The following PALM2AKAP2 variants were observed in gnomAD, a reference collection of about 807,000 sequenced individuals.
PALM2AKAP2 encodes PALM2 and AKAP2 fusion.
A neutral mutation model predicts 71.5 loss-of-function variants in PALM2AKAP2; 37 were observed. The observed-to-expected ratio is 0.52, with a 90% confidence interval of 0.40 to 0.68. The LOEUF (loss-of-function observed/expected upper bound fraction) is 0.68. Among genes scored for constraint, PALM2AKAP2 ranks in the 30% least tolerant of loss-of-function variants. PALM2AKAP2 has a pLI of 0.00. For synonymous variants in PALM2AKAP2, 468 were observed against 478.8 expected (o/e 0.98, Z 0.29); for missense variants, 1,224 against 1,191.8 (o/e 1.03, Z -0.40).
At chr9:109,853,384 T>C (rs559965387) in intron 1 of PALM2AKAP2, among the ~76,000 whole-genome samples, 4 of 152,362 alleles carry the variant, frequency 2.6e-5, no homozygotes, top group African/African-American at 9.6e-5. Flanking sequence ...TTTCCATAAC[T>C]GTATTTTTTC....
At chr9:109,838,969 G>T (rs1828570436) in intron 1 of PALM2AKAP2, among the ~76,000 whole-genome samples, 1 of 152,144 alleles carries the variant, frequency 6.6e-6, no homozygotes, top group African/African-American at 2.4e-5. Flanking sequence ...AGGAGGAGCT[G>T]GTACCATTCC....
intron 1 of PALM2AKAP2, among the ~76,000 whole-genome samples, chr9:109,647,750 T>A (rs182721165): frequency 2.6e-5 from 4 of 152,352 alleles, no homozygotes. Context: ...AAGGTGCAAA[T>A]GTTCAGAAGA....
chr9:109,713,196 G>A (rs1828267018), intron 1 of PALM2AKAP2, among the ~76,000 whole-genome samples: 1 of 152,130 alleles, frequency 6.6e-6, no homozygotes. Context: ...TTTATTGAAT[G>A]CTCCCTTCTT....
chr9:109,780,977 C>T (rs1213931588), intron 1 of PALM2AKAP2, among the ~76,000 whole-genome samples: 2 of 152,188 alleles, frequency 1.3e-5, no homozygotes. Flanking sequence ...ACTCAGCCAG[C>T]CACGCGGTAG....
chr9:110,020,168 T>C (rs1383161889), intron 7 of PALM2AKAP2, among the ~76,000 whole-genome samples: 1 of 152,246 alleles, frequency 6.6e-6, no homozygotes, highest in Non-Finnish European at 1.5e-5. Context: ...AAGGGAAATA[T>C]CAGCAGAAAT....
chr9:109,708,522 A>T (rs1243244499), intron 1 of PALM2AKAP2, among the ~76,000 whole-genome samples: 1 of 152,218 alleles, frequency 6.6e-6, no homozygotes, highest in African/African-American at 2.4e-5. Flanking sequence ...AGAGTGGAAA[A>T]TGTTTGCTAA....
intron 1 of PALM2AKAP2, among the ~76,000 whole-genome samples, chr9:110,073,804 T>C (rs1834261791): frequency 6.6e-6 from 1 of 152,204 alleles, no homozygotes; most frequent in South Asian, 2.1e-4. Flanking sequence ...CTAACAAACA[T>C]ATTATGAAAT....
At chr9:110,070,798 A>G (rs1043075527) in intron 1 of PALM2AKAP2, among the ~76,000 whole-genome samples, 3 of 151,758 alleles carry the variant, frequency 2.0e-5, no homozygotes, top group Non-Finnish European at 2.9e-5. Context: ...TTGGCGTGCT[A>G]CTCTTCCTCT....
At chr9:109,912,195 G>A (rs1208590191) in intron 3 of PALM2AKAP2, among the ~76,000 whole-genome samples, 1 of 152,014 alleles carries the variant, frequency 6.6e-6, no homozygotes, top group African/African-American at 2.4e-5. Flanking sequence ...GTTTGATGGG[G>A]TTTGGGAAGG....
intron 1 of PALM2AKAP2, among the ~76,000 whole-genome samples, chr9:109,781,653 C>T (rs776809040): frequency 1.3e-5 from 2 of 152,202 alleles, no homozygotes; most frequent in African/African-American, 2.4e-5. Context: ...CTCCAAGGCT[C>T]TGAGACCCTC....
At chr9:109,814,642 G>A (rs1369064598) in intron 1 of PALM2AKAP2, among the ~76,000 whole-genome samples, 1 of 152,196 alleles carries the variant, frequency 6.6e-6, no homozygotes, top group Non-Finnish European at 1.5e-5. Flanking sequence ...GGTGGTGTGG[G>A]ACAATAAGTA....
chr9:109,741,917 G>T (rs957549830), intron 1 of PALM2AKAP2, among the ~76,000 whole-genome samples: 5 of 152,128 alleles, frequency 3.3e-5, no homozygotes, highest in Non-Finnish European at 7.4e-5. Context: ...GAAAGTTGCT[G>T]GGGTGTCTTA....
chr9:109,992,289 A>T (rs1832499052), intron 6 of PALM2AKAP2, among the ~76,000 whole-genome samples: 1 of 152,210 alleles, frequency 6.6e-6, no homozygotes, highest in East Asian at 1.9e-4. Context: ...AAGGACTCCC[A>T]GTTATATTGG....
chr9:109,696,510 G>A (rs1191519930), intron 1 of PALM2AKAP2, among the ~76,000 whole-genome samples: 2 of 152,144 alleles, frequency 1.3e-5, no homozygotes, highest in African/African-American at 4.8e-5. Context: ...GTAAATTGGA[G>A]AGCAATTTGG....
chr9:109,959,514 G>A lies in PALM2AKAP2; in HGVS notation c.496+27486G>A, dbSNP rs145625866. Among the ~76,000 whole-genome samples, 507 of 151,986 alleles carry A rather than the reference G, an allele frequency of 3.3e-3. 4 individuals are homozygous for A. Among genetic ancestry groups the A allele is most frequent in the African/African-American group, 0.011 (467 of 41,440 alleles). ...AAAAAAACTAGCCAGGCATGGTGGC[G>A]GGCGCCTGTAGTCCCAGCTACTCGG... On this transcript the variant is annotated intron_variant, in intron 6 of 9. Coordinates refer to the PALM2AKAP2 transcript ENST00000302798.
upstream of PALM2AKAP2, chr9:110,048,449 C>A: frequency 2.0e-6 from 1 of 504,606 alleles, no homozygotes; most frequent in Admixed American, 3.9e-5. Flanking sequence ...TTTGCCCGCC[C>A]CATCCATCCC....
intron 3 of PALM2AKAP2, among the ~76,000 whole-genome samples, chr9:109,886,019 G>T (rs967651604): frequency 1.3e-5 from 2 of 152,134 alleles, no homozygotes; most frequent in African/African-American, 4.8e-5. Context: ...CTTTTCCCTG[G>T]GTAATGTCAG....
chr9:109,880,425 G>A (rs1307494064), intron 2 of PALM2AKAP2, 126 bp from the exon 3 acceptor site: 7 of 1,384,002 alleles, frequency 5.1e-6, no homozygotes, highest in Non-Finnish European at 6.8e-6. Flanking sequence ...TGTTAGTGAG[G>A]AGGTGAAGGC....
intron 3 of PALM2AKAP2, among the ~76,000 whole-genome samples, chr9:110,164,063 A>C (rs1178726405): frequency 6.6e-6 from 1 of 152,160 alleles, no homozygotes; most frequent in Non-Finnish European, 1.5e-5. Context: ...ATTATCAGTA[A>C]TTTTCTTTCA....
Sources: gnomAD v4.1 joint callset for allele counts (sites outside exome capture counted in the v4.1 genomes callset) on GRCh38, gnomAD v4.1.1 for gene constraint, MANE v1.5 for transcripts, NCBI Gene and HGNC (gene_info 2026-07-23, HGNC 2026-07-21) for gene names.